The following PALLD variants were observed in gnomAD, a reference collection of about 807,000 sequenced individuals.
PALLD encodes palladin.
Under a neutral mutation model 123.5 loss-of-function variants are expected in PALLD, and 61 were observed. The ratio of observed to expected loss-of-function variants is 0.49; its 90% CI spans 0.40 to 0.61. The LOEUF is 0.61. PALLD is among the 20% of genes least tolerant of loss of function. PALLD has a pLI of 0.00. For synonymous variants in PALLD, 465 were observed against 496.4 expected, an observed-to-expected ratio of 0.94 and a Z score of 0.84; for missense variants, 1,273 against 1,377.0, an observed-to-expected ratio of 0.92 and a Z score of 1.20.
chr4:168,604,376 A>G (rs1479775812), intron 2 of PALLD, among the ~76,000 whole-genome samples: 5 of 152,244 alleles, frequency 3.3e-5, no homozygotes, highest in Admixed American at 1.3e-4. Context: ...TTTATCTATG[A>G]AACACACAAC....
intron 10 of PALLD, among the ~76,000 whole-genome samples, chr4:168,835,247 A>C (rs755469835): frequency 6.6e-6 from 1 of 152,222 alleles, no homozygotes; most frequent in Non-Finnish European, 1.5e-5. Flanking sequence ...ATCACAATTC[A>C]CTATACTTCA....
chr4:168,825,334 A>G (rs1743277042), intron 10 of PALLD, among the ~76,000 whole-genome samples: 1 of 152,190 alleles, frequency 6.6e-6, no homozygotes, highest in Non-Finnish European at 1.5e-5. Context: ...TTATTTTGTT[A>G]AAGATATATA....
intron 2 of PALLD, chr4:168,598,409 A>G (rs1772205349): frequency 1.6e-6 from 1 of 627,596 alleles, no homozygotes; most frequent in Non-Finnish European, 3.1e-6. Flanking sequence ...AAGCTGACTT[A>G]ATATTCCAGG....
chr4:168,603,814 T>G lies in PALLD; in HGVS notation c.909-64376T>G, dbSNP rs542420908. Among the ~76,000 whole-genome samples the G allele has an allele frequency of 3.3e-5, 5 of 152,348 alleles. No individual in the cohort carries two copies. In the South Asian group the frequency reaches 1.0e-3, roughly 32 times the overall value. ...ATGCAAAAAGGTTCCATAGTAAAAG[T>G]GGTTTGGAAAATTTTGGATGAAACA... On this transcript the variant is annotated intron_variant, in intron 2 of 21. Coordinates refer to ENST00000505667, the MANE Select transcript of PALLD (RefSeq NM_001166108.2).
chr4:168,747,213 T>C (rs1440997698), intron 10 of PALLD, among the ~76,000 whole-genome samples: 2 of 152,232 alleles, frequency 1.3e-5, no homozygotes, highest in Non-Finnish European at 2.9e-5. Flanking sequence ...CACACTCTAA[T>C]CAGCTGCATA....
At chr4:168,841,535 T>A (rs562238612) in intron 10 of PALLD, among the ~76,000 whole-genome samples, 15 of 152,328 alleles carry the variant, frequency 9.8e-5, no homozygotes, top group Admixed American at 7.2e-4. Flanking sequence ...TGCCCTGGGC[T>A]GGCAGTTGAG....
At chr4:168,877,828 C>G (rs961972478) in intron 10 of PALLD, 73 of 1,307,820 alleles carry the variant, frequency 5.6e-5, no homozygotes, top group Non-Finnish European at 6.8e-5. Flanking sequence ...CCTCGCCCCC[C>G]TTCCCGCCGC....
intron 2 of PALLD, among the ~76,000 whole-genome samples, chr4:168,566,265 C>CA (rs1768369031): frequency 6.6e-6 from 1 of 152,028 alleles, no homozygotes; most frequent in African/African-American, 2.4e-5. Context: ...CACAGGGAGA[C>CA]ATTTATCTAT....
intron 10 of PALLD, among the ~76,000 whole-genome samples, chr4:168,809,510 T>C (rs1740753299): frequency 2.6e-5 from 4 of 151,894 alleles, no homozygotes; most frequent in Admixed American, 2.0e-4. Flanking sequence ...CCAGGGAAAG[T>C]CTTAGACTGA....
At chr4:168,535,873 C>T (rs895817637) in intron 2 of PALLD, among the ~76,000 whole-genome samples, 2 of 152,080 alleles carry the variant, frequency 1.3e-5, no homozygotes, top group African/African-American at 2.4e-5. Context: ...AATCCAGGCT[C>T]GTATTCTTTG....
chr4:168,821,245 A>T (rs1742668975), intron 10 of PALLD, among the ~76,000 whole-genome samples: 1 of 152,224 alleles, frequency 6.6e-6, no homozygotes, highest in African/African-American at 2.4e-5. Flanking sequence ...CCTGAAGTTA[A>T]ATTTGCATGT....
At chr4:168,754,582 G>A (rs2150400061) in intron 10 of PALLD, among the ~76,000 whole-genome samples, 1 of 152,268 alleles carries the variant, frequency 6.6e-6, no homozygotes, top group Admixed American at 6.5e-5. Flanking sequence ...ACATGGTGAT[G>A]ATTTGTATAT....
At chr4:168,566,574 A>C (rs116682525) in intron 2 of PALLD, among the ~76,000 whole-genome samples, 2,073 of 152,244 alleles carry the variant, frequency 0.014, 30 homozygotes, top group Middle Eastern at 0.041. Flanking sequence ...CTGGGATTAC[A>C]GGGATAAGCC....
At chr4:168,912,504 A>T (rs527259709) in intron 15 of PALLD, among the ~76,000 whole-genome samples, 1 of 152,332 alleles carries the variant, frequency 6.6e-6, no homozygotes, top group East Asian at 1.9e-4. Flanking sequence ...CAAAGTAACA[A>T]TGTGTGGCTT....
chr4:168,687,234 A>T (rs1485898438), intron 6 of PALLD, among the ~76,000 whole-genome samples: 2 of 152,252 alleles, frequency 1.3e-5, no homozygotes, highest in Non-Finnish European at 2.9e-5. Context: ...AAGCAGTTAT[A>T]GTATTTCCAG....
intron 2 of PALLD, among the ~76,000 whole-genome samples, chr4:168,641,308 C>T (rs976037222): frequency 3.3e-5 from 5 of 152,024 alleles, no homozygotes; most frequent in South Asian, 2.1e-4. Context: ...TAATAAGCAC[C>T]GTAGAGGGTT....
intron 16 of PALLD, among the ~76,000 whole-genome samples, chr4:168,914,423 A>T (rs966378560): frequency 2.6e-5 from 4 of 152,206 alleles, no homozygotes; most frequent in African/African-American, 9.6e-5. Context: ...GGTTTCTTAA[A>T]ATCAGCTCAT....
rs368806050 is a variant in PALLD at position 168,925,021 on chromosome 4, G to C, written c.3301G>C (p.Val1101Leu). 72 of 1,613,966 alleles carry C rather than the reference G, an allele frequency of 4.5e-5. 3 individuals are homozygous for C. Among genetic ancestry groups the C allele is most frequent in the Non-Finnish European group, 3.4e-6 (4 of 1,179,986 alleles). ...AAAAGAAGATGCTGGGTGGTATACT[G>C]TGTCAGCCAAGAATGAAGCAGGGAT... is the stretch of plus-strand genomic sequence containing the variant. ...ATKEDAGWYT[V>L]SAKNEAGIVS... The change falls in exon 20 of 22, where the codon GTG becomes CTG. Residue 1101 changes from valine (V) to leucine (L), a missense_variant. Val to Leu is a conservative substitution (Grantham distance 32). Coordinates refer to ENST00000505667, the MANE Select transcript of PALLD (RefSeq NM_001166108.2).
At chr4:168,538,358 A>G (rs1765284848) in intron 2 of PALLD, among the ~76,000 whole-genome samples, 1 of 152,182 alleles carries the variant, frequency 6.6e-6, no homozygotes, top group South Asian at 2.1e-4. Context: ...TACAAAGAAA[A>G]TTGAAAGATT....
Sources: allele counts gnomAD v4.1 joint callset (sites outside exome capture counted in the v4.1 genomes callset), GRCh38; gene constraint gnomAD v4.1.1; transcripts MANE v1.5; gene names NCBI Gene and HGNC (gene_info 2026-07-23, HGNC 2026-07-21).